IMMP2L: variants seen among roughly 807,000 people sequenced by gnomAD.
IMMP2L encodes inner mitochondrial membrane peptidase subunit 2, also known as mitochondrial inner membrane protease subunit 2.
IMMP2L carries 18 observed loss-of-function variants against 19.3 expected under a neutral mutation model. The observed-to-expected ratio is 0.93, with a 90% CI of 0.64 to 1.38. IMMP2L has a LOEUF of 1.38. Among genes scored for constraint, IMMP2L ranks in the 40% most tolerant of loss-of-function variants. The pLI is 0.00. For missense variants in IMMP2L, 233 were observed against 218.2 expected (o/e 1.07, Z -0.43); for synonymous variants, 76 against 73.0 (o/e 1.04, Z -0.21).
intron 3 of IMMP2L, among the ~76,000 whole-genome samples, chr7:111,070,270 G>A (rs1479088387): frequency 6.6e-6 from 1 of 152,156 alleles, no homozygotes; most frequent in Non-Finnish European, 1.5e-5. Flanking sequence ...TCACAAGGCA[G>A]CCTTTGCATC....
At chr7:111,343,098 T>C (rs1827185403) in intron 3 of IMMP2L, among the ~76,000 whole-genome samples, 1 of 152,124 alleles carries the variant, frequency 6.6e-6, no homozygotes, top group African/African-American at 2.4e-5. Flanking sequence ...TACTAGACTT[T>C]TGCAGAATAT....
chr7:110,727,588 G>A lies in IMMP2L; in HGVS notation c.409-63867C>T, dbSNP rs991527732. ...TGAAGGTAGAGGAGAAGACAAGGTA[G>A]GGAAAGAGAGAGGAGACCAAGTATC... is the stretch of plus-strand genomic sequence containing the variant. On this transcript the variant is annotated intron_variant, in intron 5 of 5. Coordinates refer to ENST00000405709, the MANE Select transcript of IMMP2L (RefSeq NM_032549.4). The surrounding 1 kb of genome is among the most constrained non-coding windows in gnomAD (Gnocchi z 4.3). 6.6e-6 allele frequency among the ~76,000 whole-genome samples: 1 copy of A among 152,154 alleles called. No individual in the cohort carries two copies. Among genetic ancestry groups the A allele is most frequent in the Non-Finnish European group, 1.5e-5 (1 of 68,036 alleles).
chr7:111,172,187 A>G (rs1800042586), intron 3 of IMMP2L, among the ~76,000 whole-genome samples: 1 of 151,514 alleles, frequency 6.6e-6, no homozygotes, highest in Non-Finnish European at 1.5e-5. Context: ...AGGGACTTTC[A>G]TAATATAAAT....
At chr7:111,283,289 G>A (rs371093447) in intron 3 of IMMP2L, among the ~76,000 whole-genome samples, 1 of 152,104 alleles carries the variant, frequency 6.6e-6, no homozygotes, top group Non-Finnish European at 1.5e-5. Context: ...TGCAAGAATG[G>A]GAGCTAGCAA....
intron 3 of IMMP2L, among the ~76,000 whole-genome samples, chr7:111,430,707 T>C (rs1836537645): frequency 6.6e-6 from 1 of 151,798 alleles, no homozygotes; most frequent in Non-Finnish European, 1.5e-5. Flanking sequence ...CACTCAAATA[T>C]TGTCTTGGAT....
intron 3 of IMMP2L, among the ~76,000 whole-genome samples, chr7:111,288,258 A>C (rs1820714191): frequency 6.6e-6 from 1 of 152,100 alleles, no homozygotes; most frequent in South Asian, 2.1e-4. Flanking sequence ...TATTTGGTGG[A>C]TTTAGGTTAT....
intron 3 of IMMP2L, among the ~76,000 whole-genome samples, chr7:111,373,091 C>G (rs1830391362): frequency 6.7e-6 from 1 of 149,376 alleles, no homozygotes. Context: ...AAACTTTCCC[C>G]AAAACACTTT....
intron 4 of IMMP2L, among the ~76,000 whole-genome samples, chr7:110,898,356 G>C (rs1431524747): frequency 1.3e-5 from 2 of 152,004 alleles, no homozygotes; most frequent in Admixed American, 1.3e-4. Context: ...ATGTTAGAGG[G>C]CAAGAACAGA....
At position 111,220,272 on chromosome 7, in the gene IMMP2L, A is replaced by ATT. The variant is rs1812370262; in HGVS notation, c.240-256708_240-256707insAA. Among the ~76,000 whole-genome samples, 5 of 152,174 alleles carry ATT rather than the reference A, an allele frequency of 3.3e-5. No individual in the cohort carries two copies. The South Asian group carries it at 1.0e-3, about 31-fold the overall frequency. On this transcript the variant is annotated intron_variant, in intron 3 of 5. Transcript: ENST00000405709. The stretch of plus-strand genomic sequence containing the variant: ...TCCTTTACATGTATTATAAAGTAAA[A>ATT]TATTTTATAGGTATTATACGATATA...
Position 111,283,561 on chromosome 7 carries a change from A to C in IMMP2L, c.239+203677T>G, listed in dbSNP as rs956392073. On this transcript the variant is annotated intron_variant, in intron 3 of 5. Coordinates refer to ENST00000405709, the MANE Select transcript of IMMP2L (RefSeq NM_032549.4). ...GTAGGGTATGTGGTAGGAGAATGGC[A>C]GTCGAGGAAGACGAGCTGGAAAAAG... Among the ~76,000 whole-genome samples, 46 of 152,166 alleles carry C rather than the reference A, an allele frequency of 3.0e-4. 3 individuals are homozygous for C.
intron 3 of IMMP2L, among the ~76,000 whole-genome samples, chr7:111,137,959 G>C (rs1021206134): frequency 6.6e-6 from 1 of 152,094 alleles, no homozygotes; most frequent in Non-Finnish European, 1.5e-5. Flanking sequence ...TGAGGAGCTG[G>C]GATTACTGGC....
At chr7:110,786,398 G>A (rs1455480587) in intron 5 of IMMP2L, among the ~76,000 whole-genome samples, 5 of 151,890 alleles carry the variant, frequency 3.3e-5, no homozygotes, top group South Asian at 2.1e-4. Flanking sequence ...ATCTTTTCAC[G>A]GAGTAAAGAT....
intron 5 of IMMP2L, among the ~76,000 whole-genome samples, chr7:110,765,129 C>T (rs182630741): frequency 6.6e-6 from 1 of 152,158 alleles, no homozygotes; most frequent in African/African-American, 2.4e-5. Context: ...ATAGCAAAAT[C>T]AAGATAAAAG....
intron 3 of IMMP2L, among the ~76,000 whole-genome samples, chr7:111,469,471 G>A (rs955439264): frequency 1.3e-5 from 2 of 151,934 alleles, no homozygotes; most frequent in African/African-American, 4.8e-5. Context: ...GGTCCTTCAT[G>A]TCCCTTGTAA....
intron 3 of IMMP2L, among the ~76,000 whole-genome samples, chr7:111,184,184 G>T (rs2129611632): frequency 1.3e-5 from 2 of 152,000 alleles, no homozygotes; most frequent in African/African-American, 4.8e-5. Flanking sequence ...ACTCCAGGGT[G>T]CTCTAGAGAA....
chr7:110,927,814 T>G (rs1043958106), intron 4 of IMMP2L, among the ~76,000 whole-genome samples: 3 of 152,140 alleles, frequency 2.0e-5, no homozygotes, highest in African/African-American at 4.8e-5. Context: ...GCAGCAGCAA[T>G]AGAAAACTAT....
intron 5 of IMMP2L, among the ~76,000 whole-genome samples, chr7:110,730,598 C>T (rs1269212539): frequency 6.6e-6 from 1 of 151,516 alleles, no homozygotes; most frequent in Admixed American, 6.6e-5. Context: ...CATCTCGGCT[C>T]ACTGCAAGCT....
At chr7:110,802,277 G>A (rs2894578) in intron 5 of IMMP2L, among the ~76,000 whole-genome samples, 146,035 of 151,922 alleles carry the variant, frequency 0.96, 70,211 homozygotes, top group East Asian at 0.98. Context: ...GGTATGGATT[G>A]TATTTCAAAA....
At chr7:111,132,834 A>C (rs1801976155) in intron 3 of IMMP2L, among the ~76,000 whole-genome samples, 1 of 152,052 alleles carries the variant, frequency 6.6e-6, no homozygotes. Flanking sequence ...GAGTGAAAGA[A>C]AGAAGGTGGT....
Sources: allele counts gnomAD v4.1 joint callset (sites outside exome capture counted in the v4.1 genomes callset), GRCh38; gene constraint gnomAD v4.1.1; non-coding constraint Gnocchi (gnomAD v3.1); transcripts MANE v1.5; gene names NCBI Gene and HGNC (gene_info 2026-07-23, HGNC 2026-07-21).